The following SLC8A3 variants were observed in gnomAD, a reference collection of about 807,000 sequenced individuals.
SLC8A3 encodes solute carrier family 8 member A3, also known as sodium/calcium exchanger 3.
Under a neutral mutation model 65.4 loss-of-function variants are expected in SLC8A3, and 37 were observed. The observed-to-expected ratio is 0.57, with a 90% CI of 0.44 to 0.74. The LOEUF (loss-of-function observed/expected upper bound fraction) is 0.74. SLC8A3 is among the 30% of genes least tolerant of loss of function. SLC8A3 has a pLI of 0.00. For synonymous variants in SLC8A3, 461 were observed against 444.5 expected (o/e 1.04, Z -0.47); for missense variants, 1,112 against 1,172.1 (o/e 0.95, Z 0.75).
In SLC8A3 at chr14:70,167,132, C is replaced by T. The variant is rs2140369504; in HGVS notation, c.1291G>A (p.Val431Met). 5 of 1,614,178 alleles carry T rather than the reference C, an allele frequency of 3.1e-6. No homozygotes were observed. Among genetic ancestry groups the T allele is most frequent in the South Asian group, 1.1e-5 (1 of 91,086 alleles). The change falls in exon 2 of 7, where the codon GTG becomes ATG. Residue 431 changes from valine (V) to methionine (M), a missense_variant. By Grantham distance (21) the Val-to-Met change is conservative. Coordinates refer to ENST00000356921, the MANE Select transcript of SLC8A3 (RefSeq NM_182932.3). Reference sequence around the variant, plus strand: ...GAACCATCCTCTGTTTTGTAGTCCACATACATGGTCTTTGACATGTCTCCC... The same window carrying T: ...GAACCATCCTCTGTTTTGTAGTCCATATACATGGTCTTTGACATGTCTCCC... ...KGGDMSKTMY[V>M]DYKTEDGSAN...
chr14:70,152,466 A>G (rs1169480403), intron 2 of SLC8A3, among the ~76,000 whole-genome samples: 2 of 151,722 alleles, frequency 1.3e-5, no homozygotes, highest in African/African-American at 2.4e-5. Context: ...CCCTCTCCCC[A>G]CAAGACAACA....
At chr14:70,119,665 C>T (rs1893911009) in intron 2 of SLC8A3, among the ~76,000 whole-genome samples, 1 of 152,212 alleles carries the variant, frequency 6.6e-6, no homozygotes, top group Admixed American at 6.5e-5. Context: ...CTGGAGAGAA[C>T]AGCCTGAATT....
chr14:70,140,283 C>T (rs1300294446), intron 2 of SLC8A3, among the ~76,000 whole-genome samples: 1 of 152,198 alleles, frequency 6.6e-6, no homozygotes, highest in Non-Finnish European at 1.5e-5. Flanking sequence ...AGAATTCACA[C>T]TGCCTCATGA....
chr14:70,122,191 T>C (rs1013134337), intron 2 of SLC8A3, among the ~76,000 whole-genome samples: 3 of 152,202 alleles, frequency 2.0e-5, no homozygotes, highest in Admixed American at 1.3e-4. Context: ...AGGTGGCATC[T>C]TTTCTGTGTG....
chr14:70,127,625 C>A (rs1248918736), intron 2 of SLC8A3, among the ~76,000 whole-genome samples: 2 of 152,116 alleles, frequency 1.3e-5, no homozygotes, highest in Non-Finnish European at 2.9e-5. Context: ...GGGATGTCCC[C>A]TTTGGATAGT....
chr14:70,076,084 C>T (rs1029978824), intron 2 of SLC8A3, among the ~76,000 whole-genome samples: 4 of 152,220 alleles, frequency 2.6e-5, no homozygotes, highest in African/African-American at 9.6e-5. Flanking sequence ...ACCACCCACT[C>T]GGCCTGGTCA....
chr14:70,054,604 T>C (rs1026011762), intron 3 of SLC8A3, among the ~76,000 whole-genome samples: 10 of 152,010 alleles, frequency 6.6e-5, no homozygotes, highest in African/African-American at 2.2e-4. Context: ...AAAAACCCAA[T>C]GTTATGAAAT....
intron 2 of SLC8A3, among the ~76,000 whole-genome samples, chr14:70,113,337 G>A (rs1321889993): frequency 6.6e-6 from 1 of 152,182 alleles, no homozygotes; most frequent in Non-Finnish European, 1.5e-5. Flanking sequence ...ACAATGGTAA[G>A]TATGTGTGTA....
At chr14:70,175,064 T>C (rs532979418) in intron 1 of SLC8A3, among the ~76,000 whole-genome samples, 115 of 152,066 alleles carry the variant, frequency 7.6e-4, no homozygotes, top group Non-Finnish European at 1.5e-3. Flanking sequence ...CGTCTGACAG[T>C]TTCATGAAAC....
rs574832263 is a variant in SLC8A3, at chr14:70,080,031, G to A, written c.1785-19092C>T. On this transcript the variant is annotated intron_variant, in intron 2 of 6. Transcript: ENST00000356921. ...TAACATTCACATTGGGTTGTCGTGC[G>A]GGTGACATGAGAAAGCACAGGCAGC... The A allele has an allele frequency of 4.1e-5, 37 of 904,418 alleles. No individual in the cohort carries two copies. The South Asian group carries it at 9.7e-4, about 24-fold the overall frequency. The allele number at this position is 904,418 out of a possible 1,614,324, so 56.0% of individuals were successfully genotyped here.
chr14:70,170,634 CAA>C (rs1314325732), intron 1 of SLC8A3, among the ~76,000 whole-genome samples: 1 of 152,208 alleles, frequency 6.6e-6, no homozygotes, highest in African/African-American at 2.4e-5. Flanking sequence ...ATTTCATAGA[CAA>C]AACCAGACTG....
chr14:70,052,011 A>G lies in SLC8A3; in HGVS notation c.1992T>C (p.Ile664=), dbSNP rs1347159884. The G allele has an allele frequency of 2.1e-5, 34 of 1,613,392 alleles. No individual in the cohort carries two copies. The highest frequency in any genetic ancestry group is 2.9e-5 in the Non-Finnish European group (34 of 1,179,778). Residue 664 remains isoleucine (I), a synonymous_variant, in exon 4 of 7, where the codon ATT becomes ATC. Transcript: ENST00000356921. The part of the protein sequence containing the change: ...LGEHPKLEVI[I]EESYEFKTTV... ...TGACCTTGAACTCATAGGACTCTTC[A>G]ATGATGACTTCTAGTTTGGGGTGTT...
chr14:70,137,432 C>T (rs937967661), intron 2 of SLC8A3, among the ~76,000 whole-genome samples: 59 of 152,228 alleles, frequency 3.9e-4, no homozygotes, highest in Non-Finnish European at 8.1e-4. Flanking sequence ...TGTGAGCCAC[C>T]GTGCCAAGCC....
At chr14:70,177,622 T>C (rs912952393) in intron 1 of SLC8A3, among the ~76,000 whole-genome samples, 1 of 152,186 alleles carries the variant, frequency 6.6e-6, no homozygotes, top group Admixed American at 6.5e-5. Flanking sequence ...CTAAAGGGCA[T>C]GGAAGCCCGA....
Position 70,188,417 on chromosome 14 carries a change from G to C in SLC8A3, c.-101C>G, listed in dbSNP as rs1202869800. On this transcript the variant is annotated 5_prime_UTR_variant, in exon 1 of 7. Coordinates refer to ENST00000356921, the MANE Select transcript of SLC8A3 (RefSeq NM_182932.3). ...CCTCCCGAGCGGAGTGGGCAAGGGA[G>C]GGGGGTGAGGAAGGTACGCGATGCC... is the stretch of plus-strand genomic sequence containing the variant. 6.6e-6 allele frequency: 1 copy of C among 152,136 alleles called. No homozygotes were observed. Among genetic ancestry groups the C allele is most frequent in the Non-Finnish European group, 1.5e-5 (1 of 68,042 alleles). The allele number at this position is 152,136 out of a possible 1,614,324, so 9.4% of individuals were successfully genotyped here. A position where few individuals can be genotyped will look rare whatever the true frequency, so the allele number is the denominator to read the frequency against.
chr14:70,140,310 T>A (rs1266422382), intron 2 of SLC8A3, among the ~76,000 whole-genome samples: 2 of 152,164 alleles, frequency 1.3e-5, no homozygotes, highest in African/African-American at 4.8e-5. Flanking sequence ...TCCCCATGCA[T>A]CATATCACTG....
intron 2 of SLC8A3, among the ~76,000 whole-genome samples, chr14:70,094,214 G>T (rs892126381): frequency 6.6e-6 from 1 of 152,230 alleles, no homozygotes; most frequent in East Asian, 1.9e-4. Context: ...AGGCTTTGGA[G>T]ATGGGTTCAA....
chr14:70,167,588 C>T lies in SLC8A3; in HGVS notation c.835G>A (p.Gly279Ser). The T allele has an allele frequency of 6.2e-7, 1 of 1,614,082 alleles. No homozygotes were observed. The highest frequency in any genetic ancestry group is 8.5e-7 in the Non-Finnish European group (1 of 1,180,014). ...KHRGIIIETE[G>S]DHPKGIEMDG... ...ATCTCAATGCCCTTAGGGTGGTCAC[C>T]CTCTGTCTCTATGATAATTCCTCGG... The change falls in exon 2 of 7, where the codon GGT (glycine) becomes AGT (serine). Residue 279 changes from glycine to serine, a missense_variant. Transcript: ENST00000356921.
intron 2 of SLC8A3, among the ~76,000 whole-genome samples, chr14:70,072,665 A>AG (rs778792553): frequency 6.7e-6 from 1 of 149,108 alleles, no homozygotes; most frequent in Non-Finnish European, 1.5e-5. Flanking sequence ...TTTTTGTGAG[A>AG]GAAAAAAAAG....
Sources: allele counts gnomAD v4.1 joint callset (sites outside exome capture counted in the v4.1 genomes callset), GRCh38; gene constraint gnomAD v4.1.1; transcripts MANE v1.5; gene names NCBI Gene and HGNC (gene_info 2026-07-23, HGNC 2026-07-21).